DMD: variants seen among roughly 807,000 people sequenced by gnomAD.
DMD encodes the protein dystrophin, also known as mutant dystrophin.
Under a neutral mutation model 330.1 loss-of-function variants are expected in DMD, and 63 were observed. That is an observed-to-expected ratio of 0.19 (90% CI 0.16 to 0.24). The LOEUF is 0.24. Among genes scored for constraint, DMD ranks in the 10% least tolerant of loss-of-function variants. DMD has a pLI of 1.00. For missense variants in DMD, 3,344 were observed against 2,684.1 expected (o/e 1.25, Z -5.43); for synonymous variants, 1,223 against 959.8 (o/e 1.27, Z -5.07).
chrX:32,567,225 A>C (rs1418753624), intron 15 of DMD, among the ~76,000 whole-genome samples: 1 of 112,073 alleles, frequency 8.9e-6, no homozygotes, highest in East Asian at 2.8e-4. Flanking sequence ...TGCCATTTTT[A>C]AGGGGAAACA....
chrX:33,088,135 C>A lies in DMD; in HGVS notation c.32-67935G>T, dbSNP rs1020094711. ...TGGTGAAATCTCAGCTCACTGCAAC[C>A]TTTACCTCCCGGAGGATTCAAGCAA... On this transcript the variant is annotated intron_variant, in intron 1 of 78. Transcript: ENST00000357033. Among the ~76,000 whole-genome samples, 20 of 111,096 alleles carry A rather than the reference C, an allele frequency of 1.8e-4. 1 individual carries two copies. The highest frequency in any genetic ancestry group is 1.2e-3 in the Admixed American group (12 of 10,351).
At chrX:31,272,831 G>A (rs1470795931) in intron 62 of DMD, among the ~76,000 whole-genome samples, 1 of 112,104 alleles carries the variant, frequency 8.9e-6, no homozygotes, top group East Asian at 2.8e-4. Flanking sequence ...TATTTTATCA[G>A]ACTTTATTGT....
chrX:32,178,425 C>T (rs754132688), intron 44 of DMD, among the ~76,000 whole-genome samples: 2 of 109,746 alleles, frequency 1.8e-5, no homozygotes, highest in South Asian at 3.9e-4. Flanking sequence ...TTGTGGAGAA[C>T]ATTATCATAT....
At chrX:32,761,363 G>A (rs776173874) in intron 7 of DMD, among the ~76,000 whole-genome samples, 1 of 111,911 alleles carries the variant, frequency 8.9e-6, no homozygotes, top group African/African-American at 3.2e-5. Flanking sequence ...TGTGCTTCTA[G>A]AATACAAAGA....
intron 2 of DMD, among the ~76,000 whole-genome samples, chrX:33,017,319 TA>T (rs1431259305): frequency 1.8e-5 from 2 of 111,605 alleles, no homozygotes; most frequent in Non-Finnish European, 1.9e-5. Flanking sequence ...AAATATTATA[TA>T]AATGTGTGTA....
At chrX:33,055,579 A>T (rs2094507341) in intron 1 of DMD, among the ~76,000 whole-genome samples, 1 of 112,364 alleles carries the variant, frequency 8.9e-6, no homozygotes, top group Non-Finnish European at 1.9e-5. Flanking sequence ...TATTTTAAGC[A>T]TTTTATTTTG....
intron 9 of DMD, among the ~76,000 whole-genome samples, chrX:32,697,126 G>A (rs375080252): frequency 2.7e-5 from 3 of 111,535 alleles, no homozygotes; most frequent in Non-Finnish European, 1.9e-5. Context: ...AATCATTTTT[G>A]TTAAAAAGTA....
Position 32,670,234 on chromosome X carries a change from G to A in DMD, c.961-25082C>T, listed in dbSNP as rs1050321676. 1.9e-4 allele frequency among the ~76,000 whole-genome samples: 21 copies of A among 111,847 alleles called. 2 individuals carry two copies. Among genetic ancestry groups the A allele is most frequent in the Admixed American group, 1.7e-3 (18 of 10,471 alleles). On this transcript the variant is annotated intron_variant, in intron 9 of 78. Transcript: ENST00000357033. ...CTCTCTAGTGCATAAAGAACCTGAGGACAAGTCAAGTAACACCCAGTAATT... is the reference window on the plus strand; with the variant it reads ...CTCTCTAGTGCATAAAGAACCTGAGAACAAGTCAAGTAACACCCAGTAATT...
chrX:32,796,521 A>G (rs1603426846), intron 7 of DMD, among the ~76,000 whole-genome samples: 1 of 111,594 alleles, frequency 9.0e-6, no homozygotes, highest in Admixed American at 9.6e-5. Flanking sequence ...TGGAAGGTAT[A>G]TATTCTAATG....
At chrX:31,366,072 T>G (rs2059213798) in intron 60 of DMD, among the ~76,000 whole-genome samples, 1 of 112,136 alleles carries the variant, frequency 8.9e-6, no homozygotes, top group African/African-American at 3.2e-5. Flanking sequence ...GGCACTCTGT[T>G]AAGAAGTAGA....
chrX:32,005,897 C>G (rs1324619148), intron 44 of DMD, among the ~76,000 whole-genome samples: 1 of 111,315 alleles, frequency 9.0e-6, no homozygotes, highest in East Asian at 2.8e-4. Context: ...AATTTCCTGA[C>G]AAGTATTTTA....
At chrX:32,859,461 TCACACA>T (rs35537635) in intron 2 of DMD, among the ~76,000 whole-genome samples, 4,701 of 85,947 alleles carry the variant, frequency 0.055, 139 homozygotes, top group East Asian at 0.11. Flanking sequence ...AAGCAAGATC[TCACACA>T]CACACACACA....
intron 17 of DMD, among the ~76,000 whole-genome samples, chrX:32,525,376 C>G (rs1430200578): frequency 2.7e-5 from 3 of 110,899 alleles, no homozygotes; most frequent in African/African-American, 9.9e-5. Context: ...CTCTTTATGC[C>G]AGCAATGAGG....
At chrX:31,883,110 A>T (rs2149715946) in intron 47 of DMD, among the ~76,000 whole-genome samples, 1 of 112,260 alleles carries the variant, frequency 8.9e-6, no homozygotes, top group African/African-American at 3.2e-5. Context: ...TGGCATATTC[A>T]CACAATAGAA....
chrX:32,234,025 C>T (rs191268169), intron 43 of DMD, among the ~76,000 whole-genome samples: 1 of 111,306 alleles, frequency 9.0e-6, no homozygotes, highest in East Asian at 2.8e-4. Flanking sequence ...ACTGCGATTT[C>T]GGCAGCTTCA....
chrX:33,231,258 G>C (rs1184625432), intron 1 of DMD, among the ~76,000 whole-genome samples: 2 of 111,243 alleles, frequency 1.8e-5, no homozygotes, highest in Non-Finnish European at 3.8e-5. Flanking sequence ...TATGATTCCT[G>C]ATTTAAATGA....
chrX:33,164,928 CTT>C (rs113049352), intron 1 of DMD, among the ~76,000 whole-genome samples: 1,767 of 87,984 alleles, frequency 0.02, 28 homozygotes, highest in African/African-American at 0.058. Flanking sequence ...TACTTTCTTT[CTT>C]TTTTTTTTTT....
chrX:32,105,568 AC>A (rs2096560638), intron 44 of DMD, among the ~76,000 whole-genome samples: 1 of 112,095 alleles, frequency 8.9e-6, no homozygotes. Flanking sequence ...TTCTTCTAAA[AC>A]AATCATATTA....
chrX:32,301,455 G>A (rs1239475808), intron 42 of DMD, among the ~76,000 whole-genome samples: 2 of 109,864 alleles, frequency 1.8e-5, no homozygotes, highest in African/African-American at 3.3e-5. Flanking sequence ...GATGTTTAAT[G>A]ATATATATTA....
Sources: gnomAD v4.1 joint callset for allele counts (sites outside exome capture counted in the v4.1 genomes callset) on GRCh38, gnomAD v4.1.1 for gene constraint, MANE v1.5 for transcripts, NCBI Gene and HGNC (gene_info 2026-07-23, HGNC 2026-07-21) for gene names.